Variants in SHISA9 observed in about 807,000 individuals in gnomAD.
SHISA9 encodes shisa family member 9, also known as protein shisa-9.
A neutral mutation model predicts 38.0 loss-of-function variants in SHISA9; 13 were observed. The ratio of observed to expected loss-of-function variants is 0.34; its 90% confidence interval spans 0.22 to 0.54. The LOEUF is 0.54. SHISA9 is among the 20% of genes least tolerant of loss of function. The probability of loss-of-function intolerance (pLI) is 0.91; values close to 1 mark genes in which losing one functional copy is unlikely to be tolerated. For synonymous variants in SHISA9, 275 were observed against 242.0 expected (o/e 1.14, Z -1.27); for missense variants, 538 against 575.8 (o/e 0.93, Z 0.67).
At chr16:13,335,860 T>G in the SHISA9 span, among the ~76,000 whole-genome samples, 10,537 of 152,200 alleles carry the variant, frequency 0.069, 405 homozygotes, top group Middle Eastern at 0.092. Context: ...TACCCCCTGG[T>G]GTCTACAGAA....
the SHISA9 span, among the ~76,000 whole-genome samples, chr16:13,510,345 A>C: frequency 1.3e-5 from 2 of 152,204 alleles, no homozygotes; most frequent in Non-Finnish European, 2.9e-5. Context: ...CATTCAGATA[A>C]GCGAAGTAAT....
chr16:13,469,359 A>AG, the SHISA9 span, among the ~76,000 whole-genome samples: 17 of 56,402 alleles, frequency 3.0e-4, no homozygotes, highest in East Asian at 1.1e-3. Flanking sequence ...AGAAAGAAAG[A>AG]AAAGAAAAAG....
chr16:13,143,354 G>A (rs536929876), intron 2 of SHISA9, among the ~76,000 whole-genome samples: 1 of 152,040 alleles, frequency 6.6e-6, no homozygotes, highest in African/African-American at 2.4e-5. Context: ...AAAGCTTTTA[G>A]CCTAACACCA....
At chr16:13,015,740 T>G (rs931390562) in intron 2 of SHISA9, among the ~76,000 whole-genome samples, 12 of 151,896 alleles carry the variant, frequency 7.9e-5, no homozygotes, top group African/African-American at 2.9e-4. Context: ...GTTTCCGGAG[T>G]AGCTGATTCA....
chr16:13,372,304 G>C, the SHISA9 span, among the ~76,000 whole-genome samples: 1 of 152,176 alleles, frequency 6.6e-6, no homozygotes, highest in African/African-American at 2.4e-5. Flanking sequence ...ACAAGGTGCT[G>C]GGTGCTGGGC....
the SHISA9 span, among the ~76,000 whole-genome samples, chr16:13,475,402 T>C: frequency 1.3e-5 from 2 of 151,772 alleles, no homozygotes; most frequent in East Asian, 3.9e-4. Context: ...GATTATGAAG[T>C]TTGCCAAAGG....
intron 2 of SHISA9, among the ~76,000 whole-genome samples, chr16:12,958,272 T>G (rs1481136117): frequency 2.0e-5 from 3 of 152,366 alleles, no homozygotes; most frequent in Non-Finnish European, 2.9e-5. Flanking sequence ...TAGTTTCTAT[T>G]GTTGGACATC....
chr16:13,202,359 A>G lies in SHISA9; in HGVS notation c.692-1035A>G, dbSNP rs1210092230. 2.3e-5 allele frequency among the ~76,000 whole-genome samples: 3 copies of G among 132,006 alleles called. 1 individual carries two copies. Among genetic ancestry groups the G allele is most frequent in the Non-Finnish European group, 4.9e-5 (3 of 61,084 alleles). 86.6% of individuals were successfully genotyped at this position (132,006 alleles called of 152,430 possible). On this transcript the variant is annotated intron_variant, in intron 2 of 4. Coordinates refer to ENST00000558583, the MANE Select transcript of SHISA9 (RefSeq NM_001145204.3). ...CCACCTTCCACCACACTGAACTATT[A>G]TAACAACCCTCCTTCCTGTAGATCT... is the stretch of plus-strand genomic sequence containing the variant.
intron 2 of SHISA9, among the ~76,000 whole-genome samples, chr16:13,113,222 A>G (rs983268478): frequency 8.6e-5 from 13 of 151,710 alleles, no homozygotes; most frequent in Admixed American, 6.6e-4. Context: ...AAAAAAAAAA[A>G]AAAAAAAAAA....
At chr16:13,131,909 A>G (rs957927533) in intron 2 of SHISA9, among the ~76,000 whole-genome samples, 1 of 152,174 alleles carries the variant, frequency 6.6e-6, no homozygotes, top group African/African-American at 2.4e-5. Flanking sequence ...ATAGACGCTG[A>G]TCCCGGACTC....
intron 2 of SHISA9, among the ~76,000 whole-genome samples, chr16:13,120,815 G>A (rs12444019): frequency 0.42 from 63,293 of 152,030 alleles, 16,704 homozygotes; most frequent in African/African-American, 0.76. Context: ...TTAAATGCCT[G>A]TATGACAGTC....
At chr16:13,025,981 T>C (rs1225914313) in intron 2 of SHISA9, among the ~76,000 whole-genome samples, 1 of 152,068 alleles carries the variant, frequency 6.6e-6, no homozygotes, top group African/African-American at 2.4e-5. Flanking sequence ...AATTTTGTAA[T>C]TTTAGTAGAA....
At chr16:13,063,820 T>A (rs1441193903) in intron 2 of SHISA9, among the ~76,000 whole-genome samples, 1 of 152,114 alleles carries the variant, frequency 6.6e-6, no homozygotes, top group African/African-American at 2.4e-5. Flanking sequence ...CCCTCAGCCT[T>A]TTTGGACCAG....
the SHISA9 span, among the ~76,000 whole-genome samples, chr16:13,541,678 G>A: frequency 6.6e-6 from 1 of 152,134 alleles, no homozygotes; most frequent in Non-Finnish European, 1.5e-5. Context: ...TGGGGTCTTC[G>A]GGGACAGAAT....
intron 2 of SHISA9, among the ~76,000 whole-genome samples, chr16:13,019,976 C>T (rs191297391): frequency 1.3e-5 from 1 of 75,168 alleles, no homozygotes; most frequent in Non-Finnish European, 2.9e-5. Flanking sequence ...TCTTTCCTTC[C>T]TTCCTTCCTT....
At chr16:13,405,500 G>C in the SHISA9 span, among the ~76,000 whole-genome samples, 1 of 152,162 alleles carries the variant, frequency 6.6e-6, no homozygotes, top group African/African-American at 2.4e-5. Context: ...TTTTAGGTTT[G>C]GGGTGATATG....
At chr16:13,186,287 CCT>C (rs1567239383) in intron 2 of SHISA9, among the ~76,000 whole-genome samples, 3 of 123,828 alleles carry the variant, frequency 2.4e-5, no homozygotes, top group Non-Finnish European at 5.1e-5. Flanking sequence ...ACCATCTTAA[CCT>C]TTTTTTTTTT....
chr16:13,189,175 T>C (rs1229808397), intron 2 of SHISA9, among the ~76,000 whole-genome samples: 1 of 152,234 alleles, frequency 6.6e-6, no homozygotes, highest in East Asian at 1.9e-4. Flanking sequence ...CCACTCCATT[T>C]GTTGTTCTCT....
chr16:13,408,097 T>C, the SHISA9 span, among the ~76,000 whole-genome samples: 2 of 152,184 alleles, frequency 1.3e-5, no homozygotes, highest in South Asian at 4.1e-4. Context: ...AGAAGCTCTT[T>C]AGCAGAAGCT....
Sources: allele counts gnomAD v4.1 joint callset (sites outside exome capture counted in the v4.1 genomes callset), GRCh38; gene constraint gnomAD v4.1.1; transcripts MANE v1.5; gene names NCBI Gene and HGNC (gene_info 2026-07-23, HGNC 2026-07-21).